Variants in ADI1 observed in about 807,000 individuals in gnomAD.
The protein encoded by ADI1 is acireductone dioxygenase 1.
Under a neutral mutation model 18.7 loss-of-function variants are expected in ADI1, and 21 were observed. The observed-to-expected ratio is 1.13, with a 90% CI of 0.80 to 1.62. The LOEUF (loss-of-function observed/expected upper bound fraction) is 1.62. Ranked by LOEUF, ADI1 falls within the 40% of genes most tolerant of loss-of-function variation. The probability of loss-of-function intolerance (pLI) is 0.00; values close to 1 mark genes in which losing one functional copy is unlikely to be tolerated. For synonymous variants in ADI1, 90 were observed against 100.1 expected, an observed-to-expected ratio of 0.90 and a Z score of 0.60; for missense variants, 245 against 254.9, an observed-to-expected ratio of 0.96 and a Z score of 0.26.
Position 3,504,977 on chromosome 2 carries a change from G to T in ADI1, c.241-3984C>A, listed in dbSNP as rs183449331. Among the ~76,000 whole-genome samples the T allele has an allele frequency of 7.0e-3, 1,059 of 151,478 alleles. 15 individuals carry two copies. Among genetic ancestry groups the T allele is most frequent in the African/African-American group, 0.022 (918 of 41,226 alleles). On this transcript the variant is annotated intron_variant, in intron 2 of 3. Transcript: ENST00000327435. ...ATTTTCTGTTCACCTGTGTATGTTTGTATTGTCTGTTCACCTGTGTATGTT... is the reference window on the plus strand; with the variant it reads ...ATTTTCTGTTCACCTGTGTATGTTTTTATTGTCTGTTCACCTGTGTATGTT...
intron 2 of ADI1, among the ~76,000 whole-genome samples, chr2:3,507,829 T>C (rs1295621701): frequency 1.3e-5 from 2 of 152,168 alleles, no homozygotes; most frequent in Non-Finnish European, 2.9e-5. Flanking sequence ...TATTAGGTGA[T>C]TATAACATAT....
At chr2:3,506,144 C>T (rs1228998188) in intron 2 of ADI1, among the ~76,000 whole-genome samples, 1 of 152,196 alleles carries the variant, frequency 6.6e-6, no homozygotes, top group Non-Finnish European at 1.5e-5. Context: ...GTCTGAGAAA[C>T]GCTGGTGAAG....
Position 3,514,789 on chromosome 2 carries a change from T to C in ADI1, c.121-813A>G, listed in dbSNP as rs756635246. 3.9e-6 allele frequency: 6 copies of C among 1,548,164 alleles called. No homozygotes were observed. In the South Asian group the frequency reaches 7.1e-5, roughly 18 times the overall value. On this transcript the variant is annotated intron_variant, in intron 1 of 3. Coordinates refer to ENST00000327435, the MANE Select transcript of ADI1 (RefSeq NM_018269.4). ...TTTATGTTTTGCAATAAACTGCACA[T>C]TATATCATCACTACTTACTGAACAA...
intron 2 of ADI1, among the ~76,000 whole-genome samples, chr2:3,509,528 A>T (rs1667250494): frequency 6.6e-6 from 1 of 152,230 alleles, no homozygotes; most frequent in Admixed American, 6.5e-5. Flanking sequence ...AATCTAGAAA[A>T]ATCCTCAAAT....
intron 2 of ADI1, among the ~76,000 whole-genome samples, chr2:3,511,216 T>A (rs1352363233): frequency 6.6e-6 from 1 of 152,222 alleles, no homozygotes; most frequent in Non-Finnish European, 1.5e-5. Flanking sequence ...AGATGCCTGC[T>A]CCCACTTTGC....
chr2:3,506,398 A>G (rs557125731), intron 2 of ADI1, among the ~76,000 whole-genome samples: 5 of 152,362 alleles, frequency 3.3e-5, no homozygotes, highest in African/African-American at 1.2e-4. Flanking sequence ...ACTTTCCTAT[A>G]TACCAGAAAC....
intron 2 of ADI1, among the ~76,000 whole-genome samples, chr2:3,504,857 C>CT (rs1667138988): frequency 6.6e-6 from 1 of 150,974 alleles, no homozygotes; most frequent in South Asian, 2.1e-4. Context: ...GTTGGTTCAC[C>CT]TGCGTATGTT....
chr2:3,514,901 C>T (rs1234936048), intron 1 of ADI1: 2 of 1,538,024 alleles, frequency 1.3e-6, no homozygotes, highest in Non-Finnish European at 1.8e-6. Context: ...TTGAAGATTT[C>T]ACGGACATCT....
intron 1 of ADI1, among the ~76,000 whole-genome samples, chr2:3,518,577 G>A (rs1403393849): frequency 6.6e-6 from 1 of 152,152 alleles, no homozygotes; most frequent in Non-Finnish European, 1.5e-5. Flanking sequence ...GGCCCAGCCG[G>A]GACCCAAGCC....
Position 3,503,231 on chromosome 2 carries a change from CTCTCAT to C in ADI1, c.241-2244_241-2239del, listed in dbSNP as rs558362546. On this transcript the variant is annotated intron_variant, in intron 2 of 3. Transcript: ENST00000327435. ...CACACACATGCACACACGTAACACT[CTCTCAT>C]GTGCATTCACACACATGCACACACG... Among the ~76,000 whole-genome samples the C allele has an allele frequency of 2.5e-3, 113 of 45,822 alleles. 4 individuals carry two copies. Among genetic ancestry groups the C allele is most frequent in the African/African-American group, 7.6e-3 (12 of 1,578 alleles). The allele number at this position is 45,822 out of a possible 152,430, so 30.1% of individuals were successfully genotyped here. A position where few individuals can be genotyped will look rare whatever the true frequency, so the allele number is the denominator to read the frequency against.
At chr2:3,501,275 G>A (rs1253368732) in intron 2 of ADI1, among the ~76,000 whole-genome samples, 8 of 152,150 alleles carry the variant, frequency 5.3e-5, no homozygotes, top group Non-Finnish European at 8.8e-5. Context: ...CACCCAACCC[G>A]CACGGCCCCA....
At chr2:3,510,909 A>T (rs922411770) in intron 2 of ADI1, among the ~76,000 whole-genome samples, 1 of 152,248 alleles carries the variant, frequency 6.6e-6, no homozygotes, top group South Asian at 2.1e-4. Context: ...AACAGGAGGG[A>T]CTACTTTCCA....
chr2:3,510,505 TAA>T (rs1464426205), intron 2 of ADI1, among the ~76,000 whole-genome samples: 1 of 152,064 alleles, frequency 6.6e-6, no homozygotes, highest in Non-Finnish European at 1.5e-5. Flanking sequence ...CAATGAAACC[TAA>T]AGTTTTTTGA....
At position 3,500,839 on chromosome 2, in the gene ADI1, T is replaced by C. The variant is rs1666986423; in HGVS notation, c.395A>G (p.Tyr132Cys). The C allele has an allele frequency of 6.2e-7, 1 of 1,614,178 alleles. No homozygotes were observed. The highest frequency in any genetic ancestry group is 1.1e-5 in the South Asian group (1 of 91,080). The part of the protein sequence containing the change: ...GDMVTLPAGI[Y>C]HRFTVDEKNY... Reference sequence around the variant, plus strand: ...CTTCTCGTCCACCGTGAAGCGGTGATAGATCCCCGCGGGGAGCGTCACCAT... The same window carrying C: ...CTTCTCGTCCACCGTGAAGCGGTGACAGATCCCCGCGGGGAGCGTCACCAT... Residue 132 changes from tyrosine to cysteine, a missense_variant, in exon 3 of 4, where the codon TAT becomes TGT. Tyr to Cys is a radical substitution (Grantham distance 194). Transcript: ENST00000327435.
intron 2 of ADI1, among the ~76,000 whole-genome samples, chr2:3,505,942 C>G (rs1667167131): frequency 1.3e-5 from 2 of 152,350 alleles, no homozygotes; most frequent in South Asian, 4.1e-4. Context: ...GCAGCTCTCA[C>G]AAGACACCAA....
At chr2:3,499,352 T>C (rs756756453) in intron 3 of ADI1, among the ~76,000 whole-genome samples, 2 of 152,122 alleles carry the variant, frequency 1.3e-5, no homozygotes, top group Non-Finnish European at 2.9e-5. Context: ...GTGCTCTCTA[T>C]AGAGACACAC....
chr2:3,507,041 T>C (rs1373601898), intron 2 of ADI1, among the ~76,000 whole-genome samples: 1 of 152,212 alleles, frequency 6.6e-6, no homozygotes, highest in Admixed American at 6.5e-5. Context: ...TAGTCCGTTC[T>C]TATGCTGCTA....
rs372843618 is a variant in ADI1 at position 3,499,025 on chromosome 2, G to A, written c.478C>T (p.Arg160Trp). 58 of 1,614,072 alleles carry A rather than the reference G, an allele frequency of 3.6e-5. No individual in the cohort carries two copies. Among genetic ancestry groups the A allele is most frequent in the African/African-American group, 2.7e-4 (20 of 75,054 alleles). ...VGEPVWTAYN[R>W]PADHFEARGQ... ...CGGGCTTCAAAATGGTCAGCGGGCC[G>A]GTTGTACGCTGTCCACACCGGTTCT... The change falls in exon 4 of 4, where the codon CGG (arginine) becomes TGG (tryptophan). Residue 160 changes from arginine (R) to tryptophan (W), a missense_variant. Coordinates refer to ENST00000327435, the MANE Select transcript of ADI1 (RefSeq NM_018269.4).
chr2:3,515,450 AC>A (rs1290330741), intron 1 of ADI1: 2 of 113,558 alleles, frequency 1.8e-5, no homozygotes, highest in Non-Finnish European at 4.5e-5. Context: ...CTGCTCTCGA[AC>A]CCTGTTTTCT....
Sources: gnomAD v4.1 joint callset for allele counts (sites outside exome capture counted in the v4.1 genomes callset) on GRCh38, gnomAD v4.1.1 for gene constraint, MANE v1.5 for transcripts, NCBI Gene and HGNC (gene_info 2026-07-23, HGNC 2026-07-21) for gene names.